The following SORT1 variants were observed in gnomAD, a reference collection of about 807,000 sequenced individuals.
SORT1 encodes the protein sortilin 1, also known as sortilin.
A neutral mutation model predicts 101.7 loss-of-function variants in SORT1; 39 were observed. The ratio of observed to expected loss-of-function variants is 0.38; its 90% CI spans 0.30 to 0.50. The LOEUF (loss-of-function observed/expected upper bound fraction) is 0.50, where lower values mean the gene tolerates loss of function less well. Among genes scored for constraint, SORT1 ranks in the 20% least tolerant of loss-of-function variants. The pLI is 0.90. For missense variants in SORT1, 878 were observed against 1,040.4 expected (o/e 0.84, Z 2.15); for synonymous variants, 396 against 393.7 (o/e 1.01, Z -0.07).
chr1:109,313,307 C>T lies in SORT1; in HGVS notation c.*736G>A, dbSNP rs1356924006. ...ATATCTAGTCAATTCTCTGCTGCTCCCTTCTTCCTGCCCCAAGTTAAAAAT... is the reference window on the plus strand; with the variant it reads ...ATATCTAGTCAATTCTCTGCTGCTCTCTTCTTCCTGCCCCAAGTTAAAAAT... On this transcript the variant is annotated 3_prime_UTR_variant, in exon 20 of 20. Transcript: ENST00000256637. 4 of 152,756 alleles carry T rather than the reference C, an allele frequency of 2.6e-5. No individual in the cohort carries two copies. The highest frequency in any genetic ancestry group is 9.6e-5 in the African/African-American group (4 of 41,456). 9.5% of individuals were successfully genotyped at this position (152,756 alleles called of 1,614,324 possible).
chr1:109,336,202 A>C lies in SORT1; in HGVS notation c.1371+38T>G, dbSNP rs67195750. 1,940 of 1,266,310 alleles carry C rather than the reference A, an allele frequency of 1.5e-3. 4 individuals carry two copies. Among genetic ancestry groups the C allele is most frequent in the Non-Finnish European group, 2.1e-3 (1,769 of 862,664 alleles). The allele number at this position is 1,266,310 out of a possible 1,614,324, so 78.4% of individuals were successfully genotyped here. ...CTGGCACTGATCAGAGCACAATGGA[A>C]AGGCTGCTGTGCTCTGCACACATTA... On this transcript the variant is annotated intron_variant, in intron 11 of 19. Transcript: ENST00000256637.
At chr1:109,363,386 A>G (rs539690835) in intron 3 of SORT1, among the ~76,000 whole-genome samples, 1 of 152,302 alleles carries the variant, frequency 6.6e-6, no homozygotes, top group African/African-American at 2.4e-5. Flanking sequence ...CCTTATAAGG[A>G]AATCAAAATT....
At chr1:109,336,047 T>A (rs960288615) in intron 11 of SORT1, among the ~76,000 whole-genome samples, 193 bp downstream of exon 11, 11 of 152,226 alleles carry the variant, frequency 7.2e-5, no homozygotes, top group African/African-American at 2.4e-4. Context: ...AGACAAATAA[T>A]CCATAGTATT....
At chr1:109,386,731 T>A (rs1219682064) in intron 1 of SORT1, among the ~76,000 whole-genome samples, 4 of 152,292 alleles carry the variant, frequency 2.6e-5, no homozygotes, top group East Asian at 1.9e-4. Context: ...AATATGCACA[T>A]AATAAAAAAT....
intron 11 of SORT1, 38 bp downstream of exon 11, chr1:109,336,202 A>G: frequency 7.9e-7 from 1 of 1,266,320 alleles, no homozygotes; most frequent in Non-Finnish European, 1.2e-6. Flanking sequence ...GCACAATGGA[A>G]AGGCTGCTGT....
intron 6 of SORT1, among the ~76,000 whole-genome samples, chr1:109,348,777 G>A (rs1033187553): frequency 2.0e-5 from 3 of 152,038 alleles, no homozygotes; most frequent in Non-Finnish European, 2.9e-5. Context: ...AGGGGTATGA[G>A]CCACTGCACT....
chr1:109,351,965 G>GGTGTGTGTGTGT (rs10540637), intron 5 of SORT1, among the ~76,000 whole-genome samples: 42 of 147,512 alleles, frequency 2.8e-4, no homozygotes, highest in African/African-American at 9.8e-4. Flanking sequence ...GAGAGGTAGG[G>GGTGTGTGTGTGT]GTGTGTGTGT....
intron 3 of SORT1, among the ~76,000 whole-genome samples, chr1:109,366,342 T>G (rs961981447): frequency 6.6e-6 from 1 of 152,174 alleles, no homozygotes; most frequent in Non-Finnish European, 1.5e-5. Flanking sequence ...AATAATCTGC[T>G]TAGGCCTCAA....
In SORT1 at chr1:109,340,720, T is replaced by C. The variant is rs1325299987; in HGVS notation, c.1264+4A>G. On this transcript the variant is annotated splice_donor_region_variant and intron_variant, in intron 10 of 19. Transcript: ENST00000256637. ...CAGTACACCACTGCGATGCCGAGACTCACCTTCGGAGAGCACGCTTGTTAT... is the reference window on the plus strand; with the variant it reads ...CAGTACACCACTGCGATGCCGAGACCCACCTTCGGAGAGCACGCTTGTTAT... 1 of 1,613,840 alleles carries C rather than the reference T, an allele frequency of 6.2e-7. No individual in the cohort carries two copies.
chr1:109,365,031 G>A (rs1373348514), intron 3 of SORT1, among the ~76,000 whole-genome samples: 3 of 152,126 alleles, frequency 2.0e-5, no homozygotes, highest in African/African-American at 7.2e-5. Context: ...ATTCCACATT[G>A]CCTCCCAATA....
chr1:109,394,402 T>C (rs930537086), intron 1 of SORT1, among the ~76,000 whole-genome samples: 7 of 151,966 alleles, frequency 4.6e-5, no homozygotes, highest in African/African-American at 1.2e-4. Context: ...TTTAAATTAA[T>C]AGATTGAAAA....
intron 11 of SORT1, among the ~76,000 whole-genome samples, chr1:109,333,822 T>G (rs577508308): frequency 6.6e-6 from 1 of 152,212 alleles, no homozygotes; most frequent in African/African-American, 2.4e-5. Context: ...ACAGCCATTA[T>G]GCAATACCGT....
intron 1 of SORT1, among the ~76,000 whole-genome samples, chr1:109,391,504 G>A (rs1652914117): frequency 6.6e-6 from 1 of 152,148 alleles, no homozygotes; most frequent in Non-Finnish European, 1.5e-5. Flanking sequence ...ACACAAAACA[G>A]AAAATAAGTT....
In SORT1 at chr1:109,313,701, G is replaced by A; in HGVS notation, c.*342C>T. On this transcript the variant is annotated 3_prime_UTR_variant, in exon 20 of 20. Coordinates refer to ENST00000256637, the MANE Select transcript of SORT1 (RefSeq NM_002959.7). ...GGGCAGGCGCCATGCAGAACACACA[G>A]AAGTGGGGTTAGTGAAAAGGTCCCT... The A allele has an allele frequency of 3.0e-6, 1 of 335,950 alleles. No individual in the cohort carries two copies. 20.8% of individuals were successfully genotyped at this position (335,950 alleles called of 1,614,324 possible).
chr1:109,329,499 C>T (rs997244940), intron 11 of SORT1, among the ~76,000 whole-genome samples: 9 of 152,300 alleles, frequency 5.9e-5, no homozygotes, highest in Middle Eastern at 6.8e-3. Context: ...GTGATCCGCC[C>T]GCCTTGGTCT....
At chr1:109,346,528 G>A (rs1392182671) in intron 7 of SORT1, among the ~76,000 whole-genome samples, 8 of 151,824 alleles carry the variant, frequency 5.3e-5, no homozygotes, top group African/African-American at 1.7e-4. Context: ...GGTGGATCAC[G>A]AGGTCAGGAG....
At chr1:109,370,077 G>A (rs1318772976) in intron 1 of SORT1, among the ~76,000 whole-genome samples, 2 of 152,020 alleles carry the variant, frequency 1.3e-5, no homozygotes, top group East Asian at 1.9e-4. Flanking sequence ...AAATGACAAC[G>A]GGCAGAAGCA....
chr1:109,333,372 G>A (rs1010908922), intron 11 of SORT1, among the ~76,000 whole-genome samples: 2 of 152,004 alleles, frequency 1.3e-5, no homozygotes, highest in African/African-American at 2.4e-5. Flanking sequence ...TTTTGGATAC[G>A]ACCCTAAAAG....
intron 4 of SORT1, among the ~76,000 whole-genome samples, 159 bp from the exon 5 acceptor site, chr1:109,354,690 T>G (rs1650192449): frequency 6.6e-6 from 1 of 152,164 alleles, no homozygotes; most frequent in Non-Finnish European, 1.5e-5. Context: ...ACCCCTTGGG[T>G]CTTATTCTTA....
Sources: gnomAD v4.1 joint callset for allele counts (sites outside exome capture counted in the v4.1 genomes callset) on GRCh38, gnomAD v4.1.1 for gene constraint, MANE v1.5 for transcripts, NCBI Gene and HGNC (gene_info 2026-07-23, HGNC 2026-07-21) for gene names.